SV2B: variants seen among roughly 807,000 people sequenced by gnomAD.
SV2B encodes synaptic vesicle glycoprotein 2B, also known as solute carrier family 22 member B2.
A neutral mutation model predicts 73.9 loss-of-function variants in SV2B; 41 were observed. The observed-to-expected ratio is 0.56, with a 90% CI of 0.43 to 0.72. The LOEUF (loss-of-function observed/expected upper bound fraction) is 0.72, where lower values mean the gene tolerates loss of function less well. Among genes scored for constraint, SV2B ranks in the 30% least tolerant of loss-of-function variants. The probability of loss-of-function intolerance (pLI) is 0.00; values close to 1 mark genes in which losing one functional copy is unlikely to be tolerated. For synonymous variants in SV2B, 314 were observed against 314.2 expected (o/e 1.00, Z 0.01); for missense variants, 764 against 857.8 (o/e 0.89, Z 1.37).
chr15:91,137,370 C>T lies in SV2B; in HGVS notation c.-392+37007C>T, dbSNP rs957410059. ...ATGGAAGATGAGGGTGGCTTCAAAG[C>T]GTTTACCACAAAGCTATTATTTATT... On this transcript the variant is annotated intron_variant, in intron 1 of 12. Coordinates refer to ENST00000394232, the MANE Select transcript of SV2B (RefSeq NM_001323032.3). The surrounding 1 kb of genome is among the most constrained non-coding windows in gnomAD (Gnocchi z 4.9). Among the ~76,000 whole-genome samples, 1 of 151,776 alleles carries T rather than the reference C, an allele frequency of 6.6e-6. No individual in the cohort carries two copies. The highest frequency in any genetic ancestry group is 2.1e-4 in the South Asian group (1 of 4,814).
intron 1 of SV2B, among the ~76,000 whole-genome samples, chr15:91,176,187 A>T (rs2044301783): frequency 6.6e-6 from 1 of 151,918 alleles, no homozygotes; most frequent in African/African-American, 2.4e-5. Flanking sequence ...ATGATTTCTG[A>T]TTTCATCCAT....
chr15:91,252,629 T>C lies in SV2B; in HGVS notation c.784+109T>C, dbSNP rs2074084. 126 of 1,185,040 alleles carry C rather than the reference T, an allele frequency of 1.1e-4. No individual in the cohort carries two copies. Among genetic ancestry groups the C allele is most frequent in the Non-Finnish European group, 1.1e-4 (105 of 919,042 alleles). 73.4% of individuals were successfully genotyped at this position (1,185,040 alleles called of 1,614,324 possible). On this transcript the variant is annotated intron_variant, in intron 4 of 12. Transcript: ENST00000394232. The surrounding 1 kb of genome is among the most constrained non-coding windows in gnomAD (Gnocchi z 4.6). ...TCCATGTACTCACGCACAGTTCCCG[T>C]ACGTGACCTTGATCTTTCTTAACAA...
intron 1 of SV2B, among the ~76,000 whole-genome samples, chr15:91,177,531 A>G (rs2044362709): frequency 6.8e-6 from 1 of 148,068 alleles, no homozygotes; most frequent in African/African-American, 2.5e-5. Context: ...TGAGCATGGA[A>G]TGTTCTTCCA....
chr15:91,226,926 C>T (rs1403629765), intron 2 of SV2B, among the ~76,000 whole-genome samples: 1 of 152,176 alleles, frequency 6.6e-6, no homozygotes, highest in African/African-American at 2.4e-5. Context: ...TATCTGACTT[C>T]TGAGCTCTTA....
rs532408618 is a variant in SV2B, at chr15:91,134,551, G to A, written c.-392+34188G>A. ...TACAAATGACTCCAGGACACCCGGC[G>A]TGATCAGGCACTGTCTGGAGCAACT... On this transcript the variant is annotated intron_variant, in intron 1 of 12. Transcript: ENST00000394232. 4.6e-5 allele frequency among the ~76,000 whole-genome samples: 7 copies of A among 152,284 alleles called. No homozygotes were observed. In the East Asian group the frequency reaches 1.2e-3, roughly 25 times the overall value.
chr15:91,201,652 C>T (rs1360557202), intron 1 of SV2B, among the ~76,000 whole-genome samples: 1 of 152,242 alleles, frequency 6.6e-6, no homozygotes, highest in Non-Finnish European at 1.5e-5. Flanking sequence ...CAGTTCATGG[C>T]AAATCCATCC....
At chr15:91,171,594 T>G (rs2044124177) in intron 1 of SV2B, among the ~76,000 whole-genome samples, 1 of 152,176 alleles carries the variant, frequency 6.6e-6, no homozygotes, top group African/African-American at 2.4e-5. Flanking sequence ...TTGGTTGGAA[T>G]GGGTCTCAGA....
intron 1 of SV2B, among the ~76,000 whole-genome samples, chr15:91,178,763 T>C (rs918085578): frequency 1.3e-5 from 2 of 149,670 alleles, no homozygotes; most frequent in African/African-American, 2.5e-5. Flanking sequence ...TTTTATTGTG[T>C]CTATTTGATT....
intron 1 of SV2B, among the ~76,000 whole-genome samples, chr15:91,173,705 G>A (rs199851876): frequency 1.3e-5 from 2 of 152,306 alleles, no homozygotes; most frequent in Admixed American, 6.5e-5. Context: ...ATGACTGGAA[G>A]TTCTTCAACA....
rs372293908 is a variant in SV2B at position 91,298,367 on chromosome 15, G to C, written c.*5815G>C. The C allele has an allele frequency of 6.6e-6, 1 of 152,160 alleles. No individual in the cohort carries two copies. Among genetic ancestry groups the C allele is most frequent in the Admixed American group, 6.5e-5 (1 of 15,274 alleles). The allele number at this position is 152,160 out of a possible 1,614,324, so 9.4% of individuals were successfully genotyped here. On this transcript the variant is annotated 3_prime_UTR_variant, in exon 13 of 13. Coordinates refer to ENST00000394232, the MANE Select transcript of SV2B (RefSeq NM_001323032.3). This position sits in a 1 kb window ranked among gnomAD's most constrained non-coding sequence, Gnocchi z 5.4. ...GAACCGTTTGGAAATAAATCACATA[G>C]AGCCTTTGATTGTGAGGCAGGCTTA...
Position 91,280,450 on chromosome 15 carries a change from A to G in SV2B, c.1374-1278A>G, listed in dbSNP as rs1265936545. On this transcript the variant is annotated intron_variant, in intron 9 of 12. Coordinates refer to ENST00000394232, the MANE Select transcript of SV2B (RefSeq NM_001323032.3). This position sits in a 1 kb window ranked among gnomAD's most constrained non-coding sequence, Gnocchi z 5.8. ...CCTCTCTATACTCATAGCACCTAGT[A>G]CCATGCTCAGTGTTTGCAGAAGACT... Among the ~76,000 whole-genome samples, 3 of 152,238 alleles carry G rather than the reference A, an allele frequency of 2.0e-5. No individual in the cohort carries two copies. In the East Asian group the frequency reaches 5.8e-4, roughly 29 times the overall value.
At position 91,223,524 on chromosome 15, in the gene SV2B, T is replaced by C. The variant is rs755999940; in HGVS notation, c.-391-2349T>C. Among the ~76,000 whole-genome samples the C allele has an allele frequency of 6.6e-6, 1 of 152,152 alleles. No homozygotes were observed. The highest frequency in any genetic ancestry group is 1.5e-5 in the Non-Finnish European group (1 of 68,022). ...GGGTGGTGAGTCCCACAAGTGCTTT[T>C]GGAATTGCAAGTCTATCATTTCTGG... On this transcript the variant is annotated intron_variant, in intron 1 of 12. Transcript: ENST00000394232. The surrounding 1 kb of genome is among the most constrained non-coding windows in gnomAD (Gnocchi z 4.6).
In SV2B at chr15:91,245,557, A is replaced by G. The variant is rs890749783; in HGVS notation, c.452-6262A>G. 4.6e-5 allele frequency among the ~76,000 whole-genome samples: 7 copies of G among 152,192 alleles called. No homozygotes were observed. The highest frequency in any genetic ancestry group is 1.7e-4 in the African/African-American group (7 of 41,444). On this transcript the variant is annotated intron_variant, in intron 2 of 12. Coordinates refer to ENST00000394232, the MANE Select transcript of SV2B (RefSeq NM_001323032.3). The surrounding 1 kb of genome is among the most constrained non-coding windows in gnomAD (Gnocchi z 4.2). ...TCAGATTTTCTTACAGTGAATAGGA[A>G]TTACTTTTAGATTGTTTTATTTATT...
At chr15:91,156,403 G>A (rs754145674) in intron 1 of SV2B, among the ~76,000 whole-genome samples, 13 of 152,128 alleles carry the variant, frequency 8.5e-5, no homozygotes, top group East Asian at 1.9e-4. Context: ...TTCCAGTGTC[G>A]GAGAGGTGTG....
chr15:91,192,743 C>CA (rs1307198043), intron 1 of SV2B, among the ~76,000 whole-genome samples: 6 of 152,180 alleles, frequency 3.9e-5, no homozygotes, highest in African/African-American at 1.4e-4. Flanking sequence ...TCCCATTTTA[C>CA]AAAATCACAG....
At chr15:91,184,784 C>G (rs1019262575) in intron 1 of SV2B, among the ~76,000 whole-genome samples, 1 of 152,202 alleles carries the variant, frequency 6.6e-6, no homozygotes, top group African/African-American at 2.4e-5. Context: ...ATGCAATTGA[C>G]CTTCATCTTT....
At chr15:91,177,097 G>C in intron 1 of SV2B, among the ~76,000 whole-genome samples, 1 of 149,094 alleles carries the variant, frequency 6.7e-6, no homozygotes, top group East Asian at 2.0e-4. Flanking sequence ...TCCAGTTTCA[G>C]CTTTCAACAT....
In SV2B at chr15:91,276,805, G is replaced by GTTGTTATTATTATTA. The variant is rs528279430; in HGVS notation, c.1374-4921_1374-4920insGTTATTATTATTATT. Among the ~76,000 whole-genome samples, 895 of 92,108 alleles carry GTTGTTATTATTATTA rather than the reference G, an allele frequency of 9.7e-3. 10 individuals carry two copies. The highest frequency in any genetic ancestry group is 0.053 in the East Asian group (253 of 4,764). The allele number at this position is 92,108 out of a possible 152,430, so 60.4% of individuals were successfully genotyped here. On this transcript the variant is annotated intron_variant, in intron 9 of 12. Coordinates refer to ENST00000394232, the MANE Select transcript of SV2B (RefSeq NM_001323032.3). ...TTCCAGTATTTATATTATTGTTGTT[G>GTTGTTATTATTATTA]TTATTATTATTATTATTATTATTAT...
At position 91,242,371 on chromosome 15, in the gene SV2B, C is replaced by G. The variant is rs2047053739; in HGVS notation, c.452-9448C>G. ...CTGGATGCCACCTTTAAAATGCATC[C>G]AGAATCCAGCCACTTCTTACCACTT... is the stretch of plus-strand genomic sequence containing the variant. On this transcript the variant is annotated intron_variant, in intron 2 of 12. Transcript: ENST00000394232. This position sits in a 1 kb window ranked among gnomAD's most constrained non-coding sequence, Gnocchi z 4.9. Among the ~76,000 whole-genome samples, 1 of 152,168 alleles carries G rather than the reference C, an allele frequency of 6.6e-6. No individual in the cohort carries two copies. The highest frequency in any genetic ancestry group is 1.5e-5 in the Non-Finnish European group (1 of 68,044).
Sources: allele counts gnomAD v4.1 joint callset (sites outside exome capture counted in the v4.1 genomes callset), GRCh38; gene constraint gnomAD v4.1.1; non-coding constraint Gnocchi (gnomAD v3.1); transcripts MANE v1.5; gene names NCBI Gene and HGNC (gene_info 2026-07-23, HGNC 2026-07-21).